Variants in UBE2E2 observed in about 807,000 individuals in gnomAD.
UBE2E2 encodes the protein ubiquitin conjugating enzyme E2 E2.
A neutral mutation model predicts 24.7 loss-of-function variants in UBE2E2; 6 were observed. The ratio of observed to expected loss-of-function variants is 0.24; its 90% CI spans 0.13 to 0.48. UBE2E2 has a LOEUF of 0.48. Ranked by LOEUF, UBE2E2 falls within the 20% of genes least tolerant of loss-of-function variation. The pLI is 0.99. For missense variants in UBE2E2, 169 were observed against 245.0 expected (o/e 0.69, Z 2.07); for synonymous variants, 104 against 83.6 (o/e 1.24, Z -1.33).
intron 3 of UBE2E2, among the ~76,000 whole-genome samples, chr3:23,390,201 G>A (rs752954850): frequency 5.3e-5 from 8 of 152,136 alleles, no homozygotes; most frequent in Non-Finnish European, 1.0e-4. Context: ...GGAAACCGAG[G>A]CCCTGAATGA....
chr3:23,479,243 A>G (rs1425315120), intron 3 of UBE2E2, among the ~76,000 whole-genome samples: 1 of 152,184 alleles, frequency 6.6e-6, no homozygotes, highest in Non-Finnish European at 1.5e-5. Context: ...TGAGCAAACA[A>G]TCATGGAATC....
At chr3:23,384,816 C>CT (rs1172911781) in intron 3 of UBE2E2, among the ~76,000 whole-genome samples, 3 of 152,256 alleles carry the variant, frequency 2.0e-5, no homozygotes, top group Admixed American at 1.3e-4. Context: ...GCTGGGATTA[C>CT]AGGCGTGAGC....
intron 3 of UBE2E2, among the ~76,000 whole-genome samples, chr3:23,261,033 G>T (rs1366840374): frequency 6.6e-6 from 1 of 152,112 alleles, no homozygotes; most frequent in South Asian, 2.1e-4. Flanking sequence ...AGCCCAGGAG[G>T]CCAAGGTTGC....
intron 3 of UBE2E2, among the ~76,000 whole-genome samples, chr3:23,492,594 C>T (rs1363503374): frequency 6.6e-6 from 1 of 152,166 alleles, no homozygotes; most frequent in East Asian, 1.9e-4. Flanking sequence ...TTATTTTCAG[C>T]TAGCTAATTC....
intron 3 of UBE2E2, among the ~76,000 whole-genome samples, chr3:23,218,710 T>G (rs1005800956): frequency 2.6e-5 from 4 of 152,078 alleles, no homozygotes; most frequent in Non-Finnish European, 1.5e-5. Context: ...TTTTAATAAG[T>G]TTGTTTAAGG....
rs912960943 is a variant in UBE2E2 at position 23,221,458 on chromosome 3, C to T, written c.227+4146C>T. On this transcript the variant is annotated intron_variant, in intron 3 of 5. Transcript: ENST00000396703. ...GCAGTCACTCCTTCCCCATTTTCCC[C>T]CAGCTCTTTCACCACCAGCCCTCGG... Among the ~76,000 whole-genome samples, 32 of 152,140 alleles carry T rather than the reference C, an allele frequency of 2.1e-4. 1 individual carries two copies. Among genetic ancestry groups the T allele is most frequent in the African/African-American group, 7.5e-4 (31 of 41,428 alleles).
At chr3:23,419,734 A>G (rs1056002238) in intron 3 of UBE2E2, among the ~76,000 whole-genome samples, 2 of 152,206 alleles carry the variant, frequency 1.3e-5, no homozygotes, top group East Asian at 3.8e-4. Flanking sequence ...ACCTTCTGAC[A>G]GATATTAGGC....
At chr3:23,452,770 G>T (rs2125417628) in intron 3 of UBE2E2, among the ~76,000 whole-genome samples, 1 of 152,256 alleles carries the variant, frequency 6.6e-6, no homozygotes, top group Admixed American at 6.5e-5. Context: ...TCTGGTGAGG[G>T]CAGTAGGGAG....
chr3:23,295,867 G>A (rs1698893344), intron 3 of UBE2E2, among the ~76,000 whole-genome samples: 1 of 152,156 alleles, frequency 6.6e-6, no homozygotes, highest in African/African-American at 2.4e-5. Flanking sequence ...TGAAGGGAAA[G>A]GTTGATGGAG....
chr3:23,243,144 A>T (rs188650277), intron 3 of UBE2E2, among the ~76,000 whole-genome samples: 38 of 152,254 alleles, frequency 2.5e-4, no homozygotes, highest in African/African-American at 9.1e-4. Flanking sequence ...GAAATATAAG[A>T]TGATCAAATA....
intron 3 of UBE2E2, among the ~76,000 whole-genome samples, chr3:23,310,926 T>C (rs1485306011): frequency 6.6e-6 from 1 of 152,180 alleles, no homozygotes; most frequent in Non-Finnish European, 1.5e-5. Context: ...GTTACATATG[T>C]ATACATGTGC....
At position 23,499,756 on chromosome 3, in the gene UBE2E2, T is replaced by C. The variant is rs747708268; in HGVS notation, c.360+16T>C. On this transcript the variant is annotated intron_variant, in intron 4 of 5. Transcript: ENST00000396703. ...ACCCCCTAAGGTCAGTATGAAGTTT[T>C]CATTGATTTTTAGCAATATGGATTA... 2.9e-5 allele frequency: 46 copies of C among 1,607,110 alleles called. 2 individuals are homozygous for C. In the South Asian group the frequency reaches 5.1e-4, roughly 18 times the overall value.
At chr3:23,385,736 G>A (rs568777173) in intron 3 of UBE2E2, among the ~76,000 whole-genome samples, 14 of 152,328 alleles carry the variant, frequency 9.2e-5, no homozygotes, top group African/African-American at 3.4e-4. Flanking sequence ...GACAAAAGTC[G>A]TAGTAATTTA....
intron 3 of UBE2E2, among the ~76,000 whole-genome samples, chr3:23,253,678 G>T (rs1051683264): frequency 6.6e-6 from 1 of 152,146 alleles, no homozygotes; most frequent in African/African-American, 2.4e-5. Context: ...TGAAAATGTG[G>T]AAGTGAACAA....
chr3:23,497,725 G>A (rs958727405), intron 3 of UBE2E2, among the ~76,000 whole-genome samples: 2 of 152,054 alleles, frequency 1.3e-5, no homozygotes, highest in East Asian at 1.9e-4. Context: ...AGGCTAGTGC[G>A]TTGTCAGCGA....
chr3:23,472,050 T>C (rs1224648596), intron 3 of UBE2E2, among the ~76,000 whole-genome samples: 1 of 150,744 alleles, frequency 6.6e-6, no homozygotes, highest in South Asian at 2.1e-4. Flanking sequence ...ATCCACAAAA[T>C]AGATTAAAAC....
chr3:23,470,330 C>T (rs944850639), intron 3 of UBE2E2, among the ~76,000 whole-genome samples: 7 of 152,136 alleles, frequency 4.6e-5, no homozygotes, highest in Admixed American at 3.3e-4. Context: ...CCCCCCAATC[C>T]GGGGTTTGAC....
rs1322618421 is a variant in UBE2E2, at chr3:23,208,704, C to T, written c.5C>T (p.Ser2Phe). 1 of 1,604,574 alleles carries T rather than the reference C, an allele frequency of 6.2e-7. No homozygotes were observed. Among genetic ancestry groups the T allele is most frequent in the South Asian group, 1.1e-5 (1 of 88,836 alleles). Residue 2 changes from serine to phenylalanine, a missense_variant, in exon 2 of 6, where the codon TCC becomes TTC. By Grantham distance (155) the Ser-to-Phe change is radical. Coordinates refer to ENST00000396703, the MANE Select transcript of UBE2E2 (RefSeq NM_152653.4). ...TTCTTTAATCCAGGATCTAAAATGT[C>T]CACTGAGGCACAAAGAGTTGATGAC... M[S>F]TEAQRVDDSP...
At chr3:23,444,140 T>G (rs1160782749) in intron 3 of UBE2E2, among the ~76,000 whole-genome samples, 1 of 151,480 alleles carries the variant, frequency 6.6e-6, no homozygotes, top group Non-Finnish European at 1.5e-5. Flanking sequence ...CTCAAATGTC[T>G]GAGCCCTTAG....
Sources: allele counts gnomAD v4.1 joint callset (sites outside exome capture counted in the v4.1 genomes callset), GRCh38; gene constraint gnomAD v4.1.1; transcripts MANE v1.5; gene names NCBI Gene and HGNC (gene_info 2026-07-23, HGNC 2026-07-21).